Variants in NBEA observed in about 807,000 individuals in gnomAD.
NBEA encodes neurobeachin, also known as lysosomal-trafficking regulator 2.
A neutral mutation model predicts 343.4 loss-of-function variants in NBEA; 44 were observed. That is an observed-to-expected ratio of 0.13 (90% confidence interval 0.10 to 0.16). NBEA has a LOEUF of 0.16. Ranked by LOEUF, NBEA falls within the 10% of genes least tolerant of loss-of-function variation. The probability of loss-of-function intolerance (pLI) is 1.00; values close to 1 mark genes in which losing one functional copy is unlikely to be tolerated. For synonymous variants in NBEA, 1,175 were observed against 1,238.7 expected (o/e 0.95, Z 1.08); for missense variants, 2,555 against 3,631.3 (o/e 0.70, Z 7.62).
chr13:34,966,185 T>C (rs991308026), intron 1 of NBEA, among the ~76,000 whole-genome samples: 8 of 152,078 alleles, frequency 5.3e-5, no homozygotes, highest in Non-Finnish European at 1.2e-4. Context: ...TTGGGCAATA[T>C]GGAGCAAGAG....
At chr13:34,998,919 C>A (rs865869247) in intron 1 of NBEA, among the ~76,000 whole-genome samples, 1 of 152,080 alleles carries the variant, frequency 6.6e-6, no homozygotes, top group African/African-American at 2.4e-5. Flanking sequence ...TCCATGAAAT[C>A]TTCACAATTT....
chr13:35,301,738 G>A (rs958628430), intron 35 of NBEA, among the ~76,000 whole-genome samples: 5 of 152,038 alleles, frequency 3.3e-5, no homozygotes, highest in Admixed American at 1.3e-4. Flanking sequence ...GGTATTTCTG[G>A]TTCTAGATCC....
intron 13 of NBEA, among the ~76,000 whole-genome samples, chr13:35,112,106 A>C (rs2066246745): frequency 6.6e-6 from 1 of 151,676 alleles, no homozygotes; most frequent in Admixed American, 6.6e-5. Context: ...TTTAGTGGAG[A>C]CAGGGTTTCA....
intron 35 of NBEA, among the ~76,000 whole-genome samples, chr13:35,305,704 G>T (rs2036845200): frequency 6.6e-6 from 1 of 152,172 alleles, no homozygotes; most frequent in Non-Finnish European, 1.5e-5. Flanking sequence ...AGTGGACACA[G>T]AATTTGAGCA....
At chr13:35,429,891 T>C (rs1433642079) in intron 38 of NBEA, among the ~76,000 whole-genome samples, 1 of 151,928 alleles carries the variant, frequency 6.6e-6, no homozygotes, top group African/African-American at 2.4e-5. Flanking sequence ...GGTTTTGTAT[T>C]TTTGCAATTG....
Position 35,177,046 on chromosome 13 carries a change from T to C in NBEA, c.4605T>C (p.Asp1535=). 2 of 1,606,270 alleles carry C rather than the reference T, an allele frequency of 1.2e-6. No individual in the cohort carries two copies. Among genetic ancestry groups the C allele is most frequent in the Non-Finnish European group, 1.7e-6 (2 of 1,175,644 alleles). Residue 1535 remains aspartate (D), a synonymous_variant, in exon 28 of 59, where the codon GAT becomes GAC. Coordinates refer to ENST00000379939, the MANE Select transcript of NBEA (RefSeq NM_001385012.1). ...PGNLSPIKDP[D]RLLQDVDINR... is the part of the protein sequence containing the mutation. The stretch of plus-strand genomic sequence containing the variant: ...ACCTTTCTCCTATTAAGGATCCGGA[T>C]AGACTTCTTCAGGATGTTGATATCA...
chr13:35,176,896 G>A (rs370511991), intron 27 of NBEA, 100 bp from the exon 28 acceptor site: 2 of 696,128 alleles, frequency 2.9e-6, no homozygotes, highest in East Asian at 2.8e-5. Context: ...CAGAGAGGTG[G>A]AGATACATGA....
chr13:35,327,250 A>G (rs544333546), intron 36 of NBEA, among the ~76,000 whole-genome samples: 1 of 152,236 alleles, frequency 6.6e-6, no homozygotes, highest in East Asian at 1.9e-4. Context: ...CAGAGCTACC[A>G]TTTGACCCAG....
intron 18 of NBEA, among the ~76,000 whole-genome samples, chr13:35,146,447 G>C (rs1466232551): frequency 6.6e-6 from 1 of 152,158 alleles, no homozygotes; most frequent in Non-Finnish European, 1.5e-5. Flanking sequence ...TGAGGACCAT[G>C]CTTTTGTGGG....
At chr13:35,631,551 C>T (rs2083453365) in intron 49 of NBEA, among the ~76,000 whole-genome samples, 1 of 148,170 alleles carries the variant, frequency 6.7e-6, no homozygotes, top group Admixed American at 6.8e-5. Flanking sequence ...TCCATCTAGC[C>T]TAAGATGGAT....
chr13:35,102,023 A>G (rs1222735707), intron 11 of NBEA, among the ~76,000 whole-genome samples: 1 of 150,758 alleles, frequency 6.6e-6, no homozygotes. Context: ...TTTATCTTTC[A>G]TATTTAGATC....
intron 38 of NBEA, among the ~76,000 whole-genome samples, chr13:35,362,575 C>G (rs1284656762): frequency 6.6e-6 from 1 of 151,928 alleles, no homozygotes; most frequent in Non-Finnish European, 1.5e-5. Context: ...ATTGTGATCT[C>G]AGTAACACCG....
intron 47 of NBEA, among the ~76,000 whole-genome samples, chr13:35,599,183 C>G (rs554897176): frequency 3.4e-4 from 52 of 152,136 alleles, no homozygotes; most frequent in Non-Finnish European, 6.8e-4. Flanking sequence ...CTCCTCACCA[C>G]CCCTCCCACT....
chr13:34,976,120 A>T (rs1392248509), intron 1 of NBEA, among the ~76,000 whole-genome samples: 2 of 152,242 alleles, frequency 1.3e-5, no homozygotes, highest in Non-Finnish European at 2.9e-5. Context: ...AGATACTTGC[A>T]CATGTATGTT....
intron 38 of NBEA, among the ~76,000 whole-genome samples, chr13:35,375,656 C>T (rs2041699687): frequency 1.3e-5 from 2 of 152,070 alleles, no homozygotes; most frequent in South Asian, 4.1e-4. Context: ...TTGCAAAAAT[C>T]CAGCAAGGTG....
At chr13:35,593,258 A>T in intron 46 of NBEA, 70 bp from the exon 47 acceptor site, 10 of 1,538,112 alleles carry the variant, frequency 6.5e-6, no homozygotes, top group Non-Finnish European at 5.3e-6. Context: ...CAAGATAGCC[A>T]TGTTTCACAA....
At chr13:35,620,281 A>G (rs58472659) in intron 48 of NBEA, among the ~76,000 whole-genome samples, 5,139 of 152,152 alleles carry the variant, frequency 0.034, 313 homozygotes, top group African/African-American at 0.12. Context: ...CAAGAAAAGG[A>G]GACTGTGAGT....
chr13:35,169,887 A>G (rs562115202), intron 25 of NBEA, among the ~76,000 whole-genome samples: 1 of 151,930 alleles, frequency 6.6e-6, no homozygotes, highest in South Asian at 2.1e-4. Context: ...TTAAAATCCA[A>G]GTAATGAATT....
chr13:35,626,789 CTG>C (rs113001905), intron 48 of NBEA, among the ~76,000 whole-genome samples: 10,147 of 152,172 alleles, frequency 0.067, 381 homozygotes, highest in African/African-American at 0.089. Flanking sequence ...GACTCATTTC[CTG>C]TGTTCTACTC....
Sources: allele counts gnomAD v4.1 joint callset (sites outside exome capture counted in the v4.1 genomes callset), GRCh38; gene constraint gnomAD v4.1.1; transcripts MANE v1.5; gene names NCBI Gene and HGNC (gene_info 2026-07-23, HGNC 2026-07-21).